Variants in MAGI1 observed in about 807,000 individuals in gnomAD.
The protein encoded by MAGI1 is membrane associated guanylate kinase, WW and PDZ domain containing 1.
MAGI1 carries 58 observed loss-of-function variants against 139.9 expected under a neutral mutation model. The observed-to-expected ratio is 0.41, with a 90% confidence interval of 0.34 to 0.52. The LOEUF is 0.52. Ranked by LOEUF, MAGI1 falls within the 20% of genes least tolerant of loss-of-function variation. The pLI is 0.12. For missense variants in MAGI1, 1,874 were observed against 1,901.6 expected, an observed-to-expected ratio of 0.99 and a Z score of 0.27; for synonymous variants, 812 against 737.9, an observed-to-expected ratio of 1.10 and a Z score of -1.63.
intron 9 of MAGI1, among the ~76,000 whole-genome samples, chr3:65,439,198 C>G (rs1948064989): frequency 6.6e-6 from 1 of 152,022 alleles, no homozygotes; most frequent in Admixed American, 6.6e-5. Context: ...TAAGCTAAAT[C>G]TATATTAGCC....
intron 1 of MAGI1, among the ~76,000 whole-genome samples, chr3:65,761,742 A>T (rs1204685333): frequency 6.6e-6 from 1 of 152,140 alleles, no homozygotes; most frequent in Non-Finnish European, 1.5e-5. Flanking sequence ...GATGCCCATG[A>T]TGGCTGCAGG....
chr3:65,818,540 G>A (rs2041751676), intron 1 of MAGI1, among the ~76,000 whole-genome samples: 2 of 152,186 alleles, frequency 1.3e-5, no homozygotes, highest in African/African-American at 4.8e-5. Flanking sequence ...AAGATGCAGA[G>A]GGGCAGAGGG....
At chr3:65,561,374 A>C (rs958927515) in intron 2 of MAGI1, among the ~76,000 whole-genome samples, 1 of 152,170 alleles carries the variant, frequency 6.6e-6, no homozygotes, top group South Asian at 2.1e-4. Context: ...GAACTCTAAC[A>C]GGACTAAGGA....
intron 2 of MAGI1, among the ~76,000 whole-genome samples, chr3:65,539,828 TCAC>T (rs1253680660): frequency 2.0e-5 from 3 of 152,238 alleles, no homozygotes; most frequent in African/African-American, 7.2e-5. Flanking sequence ...ACAGTAGTTT[TCAC>T]CACAAGTGCA....
At chr3:65,594,622 T>A (rs1174320240) in intron 2 of MAGI1, among the ~76,000 whole-genome samples, 1 of 152,210 alleles carries the variant, frequency 6.6e-6, no homozygotes, top group Non-Finnish European at 1.5e-5. Context: ...TCAGTATGAC[T>A]GCGAGGGATG....
intron 1 of MAGI1, among the ~76,000 whole-genome samples, chr3:65,866,200 T>C (rs1194927890): frequency 1.3e-5 from 2 of 148,226 alleles, no homozygotes; most frequent in East Asian, 4.0e-4. Flanking sequence ...TGTTGGTATT[T>C]GCTGTTTTCA....
chr3:65,369,124 G>A (rs1941732366), intron 18 of MAGI1, among the ~76,000 whole-genome samples: 1 of 152,122 alleles, frequency 6.6e-6, no homozygotes, highest in African/African-American at 2.4e-5. Flanking sequence ...AGAAGGTTCT[G>A]CCCTCCCCCA....
chr3:65,538,212 T>C (rs754614754), intron 2 of MAGI1, among the ~76,000 whole-genome samples: 13 of 152,170 alleles, frequency 8.5e-5, no homozygotes, highest in Non-Finnish European at 1.9e-4. Flanking sequence ...CACTAACTTA[T>C]AGGTTGGAGT....
chr3:65,543,938 T>C (rs2107923816), intron 2 of MAGI1, among the ~76,000 whole-genome samples: 1 of 152,184 alleles, frequency 6.6e-6, no homozygotes. Flanking sequence ...ATCACAGCTA[T>C]TTAAAAAGGA....
intron 17 of MAGI1, among the ~76,000 whole-genome samples, chr3:65,377,415 A>G (rs1273758069): frequency 1.3e-5 from 2 of 152,224 alleles, no homozygotes; most frequent in African/African-American, 4.8e-5. Context: ...GGTATTAGGG[A>G]AAGTTTAATT....
rs754462110 is a variant in MAGI1 at position 65,530,674 on chromosome 3, C to CATAT, written c.431-37047_431-37044dup. Among the ~76,000 whole-genome samples, 5 of 123,186 alleles carry CATAT rather than the reference C, an allele frequency of 4.1e-5. 1 individual carries two copies. In the Admixed American group the frequency reaches 4.5e-4, roughly 11 times the overall value. The allele number at this position is 123,186 out of a possible 152,430, so 80.8% of individuals were successfully genotyped here. A position where few individuals can be genotyped will look rare whatever the true frequency, so the allele number is the denominator to read the frequency against. On this transcript the variant is annotated intron_variant, in intron 2 of 22. Coordinates refer to ENST00000402939, the MANE Select transcript of MAGI1 (RefSeq NM_001033057.2). Reference sequence around the variant, plus strand: ...GTGTGTGTGTGTGTATATATATATACATATATATATACGTGTATATATATA... The same window carrying CATAT: ...GTGTGTGTGTGTGTATATATATATACATATATATATATATACGTGTATATATATA...
chr3:65,702,700 G>A (rs747141291), intron 1 of MAGI1, among the ~76,000 whole-genome samples: 4 of 151,936 alleles, frequency 2.6e-5, no homozygotes, highest in Non-Finnish European at 5.9e-5. Flanking sequence ...TTTTCTGTTA[G>A]GCCACCTGTA....
chr3:65,480,612 G>T (rs1207290055), intron 3 of MAGI1, among the ~76,000 whole-genome samples: 1 of 135,210 alleles, frequency 7.4e-6, no homozygotes, highest in Non-Finnish European at 1.5e-5. Context: ...TTGAGATGGA[G>T]TCTTGCTGCA....
intron 1 of MAGI1, among the ~76,000 whole-genome samples, chr3:65,727,379 A>G (rs1375406198): frequency 6.6e-6 from 1 of 152,188 alleles, no homozygotes; most frequent in Non-Finnish European, 1.5e-5. Context: ...ATATATAAAG[A>G]AACAGGGAGT....
intron 18 of MAGI1, among the ~76,000 whole-genome samples, chr3:65,365,657 G>A (rs370619163): frequency 5.9e-5 from 9 of 152,086 alleles, no homozygotes; most frequent in East Asian, 1.9e-4. Context: ...ACTGAAACTC[G>A]TCATACATTT....
At chr3:65,622,614 A>T (rs1199323984) in intron 1 of MAGI1, among the ~76,000 whole-genome samples, 1 of 151,856 alleles carries the variant, frequency 6.6e-6, no homozygotes, top group Non-Finnish European at 1.5e-5. Context: ...CCCAGGCTGG[A>T]GTGCGATGGC....
chr3:66,001,315 G>A (rs574704610), intron 1 of MAGI1, among the ~76,000 whole-genome samples: 16 of 151,958 alleles, frequency 1.1e-4, no homozygotes, highest in Non-Finnish European at 2.4e-4. Flanking sequence ...AATAAACTTT[G>A]AATATTCAAA....
At chr3:65,847,191 G>T (rs1033335535) in intron 1 of MAGI1, among the ~76,000 whole-genome samples, 2 of 152,090 alleles carry the variant, frequency 1.3e-5, no homozygotes, top group African/African-American at 2.4e-5. Flanking sequence ...AATGTAGCAT[G>T]ACAAATCACA....
chr3:65,360,992 A>G, intron 22 of MAGI1: 1 of 1,452,664 alleles, frequency 6.9e-7, no homozygotes, highest in Non-Finnish European at 9.1e-7. Flanking sequence ...ATCTTGTCTT[A>G]GGCCATGCCC....
Sources: gnomAD v4.1 joint callset for allele counts (sites outside exome capture counted in the v4.1 genomes callset) on GRCh38, gnomAD v4.1.1 for gene constraint, MANE v1.5 for transcripts, NCBI Gene and HGNC (gene_info 2026-07-23, HGNC 2026-07-21) for gene names.